Variants in NCAM2 observed in about 807,000 individuals in gnomAD.
NCAM2 encodes the protein N-CAM-2.
NCAM2 carries 30 observed loss-of-function variants against 98.1 expected under a neutral mutation model. That is an observed-to-expected ratio of 0.31 (90% confidence interval 0.23 to 0.41). The LOEUF (loss-of-function observed/expected upper bound fraction) is 0.41, where lower values mean the gene tolerates loss of function less well. Ranked by LOEUF, NCAM2 falls within the 10% of genes least tolerant of loss-of-function variation. The pLI, the probability that NCAM2 is intolerant of heterozygous loss-of-function variation, is 1.00. For synonymous variants in NCAM2, 368 were observed against 342.4 expected (o/e 1.07, Z -0.83); for missense variants, 867 against 1,005.8 (o/e 0.86, Z 1.87).
chr21:21,389,788 C>T lies in NCAM2; in HGVS notation c.1195+15775C>T, dbSNP rs969647407. On this transcript the variant is annotated intron_variant, in intron 9 of 17. Coordinates refer to ENST00000400546, the MANE Select transcript of NCAM2 (RefSeq NM_004540.5). ...TGGCTGAATAACATTCCATTGTGTA[C>T]GTGTCTCACATTTTCTTTATCCATT... is the stretch of plus-strand genomic sequence containing the variant. Among the ~76,000 whole-genome samples the T allele has an allele frequency of 7.9e-5, 12 of 152,106 alleles. 1 individual carries two copies. The highest frequency in any genetic ancestry group is 2.1e-4 in the South Asian group (1 of 4,832).
intron 1 of NCAM2, among the ~76,000 whole-genome samples, chr21:21,239,877 T>C (rs1033851122): frequency 1.3e-5 from 2 of 152,148 alleles, no homozygotes; most frequent in African/African-American, 2.4e-5. Context: ...TTTATATAAA[T>C]GCTAATTGTG....
chr21:21,491,410 ATTTCT>A (rs1246455199), intron 15 of NCAM2, among the ~76,000 whole-genome samples: 3 of 151,782 alleles, frequency 2.0e-5, no homozygotes, highest in African/African-American at 7.2e-5. Context: ...TCCTTTGGTC[ATTTCT>A]TTTGTTTTGG....
In NCAM2 at chr21:21,541,520, T is replaced by C. The variant is rs537881582; in HGVS notation, c.*3563T>C. On this transcript the variant is annotated 3_prime_UTR_variant, in exon 18 of 18. Coordinates refer to ENST00000400546, the MANE Select transcript of NCAM2 (RefSeq NM_004540.5). ...ATTCTAGATATTGTTGAAATTAAATTTTGCCAGTTGTAAGACAAAGACAAC... is the reference window on the plus strand; with the variant it reads ...ATTCTAGATATTGTTGAAATTAAATCTTGCCAGTTGTAAGACAAAGACAAC... 6 of 151,848 alleles carry C rather than the reference T, an allele frequency of 4.0e-5. No individual in the cohort carries two copies. In the South Asian group the frequency reaches 1.2e-3, roughly 31 times the overall value. 9.4% of individuals were successfully genotyped at this position (151,848 alleles called of 1,614,324 possible).
At chr21:21,244,738 T>G (rs915456045) in intron 1 of NCAM2, among the ~76,000 whole-genome samples, 5 of 149,652 alleles carry the variant, frequency 3.3e-5, no homozygotes, top group Admixed American at 1.3e-4. Flanking sequence ...TCCCAGGTAC[T>G]CAGGAGTCTG....
chr21:21,275,338 G>T (rs1285510357), intron 1 of NCAM2, among the ~76,000 whole-genome samples: 1 of 151,918 alleles, frequency 6.6e-6, no homozygotes, highest in Non-Finnish European at 1.5e-5. Flanking sequence ...TACTCTGGAG[G>T]CTGAGGCAGG....
At chr21:21,284,453 T>A in intron 3 of NCAM2, 53 bp downstream of exon 3, 1 of 1,351,774 alleles carries the variant, frequency 7.4e-7, no homozygotes, top group Admixed American at 1.9e-5. Flanking sequence ...TGCTTATAAA[T>A]AACCGAAAAA....
intron 1 of NCAM2, among the ~76,000 whole-genome samples, chr21:21,197,205 C>T (rs2069035362): frequency 6.6e-6 from 1 of 152,186 alleles, no homozygotes; most frequent in Non-Finnish European, 1.5e-5. Flanking sequence ...TCTCAGCTCA[C>T]TGCAACTTCT....
At chr21:21,065,208 A>AC (rs2065410417) in intron 1 of NCAM2, among the ~76,000 whole-genome samples, 1 of 152,014 alleles carries the variant, frequency 6.6e-6, no homozygotes, top group Non-Finnish European at 1.5e-5. Context: ...AAAACAAAAA[A>AC]ACAAAACAAA....
At chr21:21,259,782 A>C (rs1360616136) in intron 1 of NCAM2, among the ~76,000 whole-genome samples, 1 of 152,018 alleles carries the variant, frequency 6.6e-6, no homozygotes, top group Non-Finnish European at 1.5e-5. Flanking sequence ...CACAACCAAA[A>C]CACTCATTAC....
intron 16 of NCAM2, among the ~76,000 whole-genome samples, chr21:21,520,210 T>C (rs1357602745): frequency 2.0e-5 from 3 of 152,108 alleles, no homozygotes; most frequent in African/African-American, 7.2e-5. Flanking sequence ...GAATACAACT[T>C]GTGAAAAAGC....
rs1990068869 is a variant in NCAM2, at chr21:21,537,876, A to G, written c.2433A>G (p.Lys811=). The change falls in exon 18 of 18, where the codon AAA becomes AAG. Residue 811 remains lysine (K), a synonymous_variant. Coordinates refer to ENST00000400546, the MANE Select transcript of NCAM2 (RefSeq NM_004540.5). ...EKLPLKEEDG[K]EALNPETIEI... ...TGCCTTTAAAGGAAGAAGATGGGAAAGAAGCTCTAAATCCAGAAACTATAG... is the reference window on the plus strand; with the variant it reads ...TGCCTTTAAAGGAAGAAGATGGGAAGGAAGCTCTAAATCCAGAAACTATAG... 2 of 1,572,302 alleles carry G rather than the reference A, an allele frequency of 1.3e-6. No homozygotes were observed. The highest frequency in any genetic ancestry group is 1.4e-5 in the African/African-American group (1 of 72,438).
chr21:21,068,573 C>T (rs940556906), intron 1 of NCAM2, among the ~76,000 whole-genome samples: 3 of 151,300 alleles, frequency 2.0e-5, no homozygotes, highest in Non-Finnish European at 4.4e-5. Context: ...GATTCTTCTG[C>T]CTCAGCCTCC....
At chr21:21,264,676 CACAT>C (rs1323623369) in intron 1 of NCAM2, among the ~76,000 whole-genome samples, 1 of 149,564 alleles carries the variant, frequency 6.7e-6, no homozygotes, top group African/African-American at 2.5e-5. Flanking sequence ...TACACACACA[CACAT>C]ATATACACAC....
At chr21:21,021,404 C>A (rs2146187200) in intron 1 of NCAM2, among the ~76,000 whole-genome samples, 1 of 152,272 alleles carries the variant, frequency 6.6e-6, no homozygotes, top group Non-Finnish European at 1.5e-5. Flanking sequence ...CCTCATCAAG[C>A]AATGGGTGGC....
chr21:21,381,785 T>C (rs372061345), intron 9 of NCAM2, among the ~76,000 whole-genome samples: 7 of 152,262 alleles, frequency 4.6e-5, no homozygotes, highest in South Asian at 4.1e-4. Context: ...ATTTTATATG[T>C]ATTCATCTAT....
At chr21:21,028,560 C>G (rs980649899) in intron 1 of NCAM2, among the ~76,000 whole-genome samples, 4 of 152,168 alleles carry the variant, frequency 2.6e-5, no homozygotes, top group Non-Finnish European at 4.4e-5. Flanking sequence ...TGCCAGAAAA[C>G]TTTGGTGTGC....
At chr21:21,329,736 T>A (rs1379313152) in intron 6 of NCAM2, among the ~76,000 whole-genome samples, 2 of 152,182 alleles carry the variant, frequency 1.3e-5, no homozygotes, top group Non-Finnish European at 2.9e-5. Context: ...TTATGTAATG[T>A]TTATTATTTC....
intron 5 of NCAM2, among the ~76,000 whole-genome samples, chr21:21,310,773 G>A (rs79767885): frequency 0.019 from 2,819 of 152,236 alleles, 90 homozygotes; most frequent in East Asian, 0.15. Context: ...ACTACAGTCA[G>A]TATACAGAAT....
rs2076827063 is a variant in NCAM2, at chr21:21,410,163, G to C, written c.1196-111G>C. On this transcript the variant is annotated intron_variant, in intron 9 of 17. Coordinates refer to ENST00000400546, the MANE Select transcript of NCAM2 (RefSeq NM_004540.5). ...GAAAAAAAAAAAATACACGAAATTA[G>C]AATTATGTGGCTTCTTTTTATACAG... is the stretch of plus-strand genomic sequence containing the variant. 9.7e-6 allele frequency: 6 copies of C among 620,636 alleles called. No individual in the cohort carries two copies. The Admixed American group carries it at 2.6e-4, about 27-fold the overall frequency. 38.4% of individuals were successfully genotyped at this position (620,636 alleles called of 1,614,324 possible). A position where few individuals can be genotyped will look rare whatever the true frequency, so the allele number is the denominator to read the frequency against.
Sources: gnomAD v4.1 joint callset for allele counts (sites outside exome capture counted in the v4.1 genomes callset) on GRCh38, gnomAD v4.1.1 for gene constraint, MANE v1.5 for transcripts, NCBI Gene and HGNC (gene_info 2026-07-23, HGNC 2026-07-21) for gene names.